Variants in HRH2 observed in about 807,000 individuals in gnomAD.
The protein encoded by HRH2 is histamine receptor H2, also known as histamine H2 receptor.
In HRH2, 4 loss-of-function variants were observed where a neutral mutation model predicts 20.1. The ratio of observed to expected loss-of-function variants is 0.20; its 90% CI spans 0.10 to 0.45. The LOEUF (loss-of-function observed/expected upper bound fraction) is 0.45. Among genes scored for constraint, HRH2 ranks in the 20% least tolerant of loss-of-function variants. The pLI, the probability that HRH2 is intolerant of heterozygous loss-of-function variation, is 0.99. For missense variants in HRH2, 250 were observed against 461.6 expected, an observed-to-expected ratio of 0.54 and a Z score of 4.20; for synonymous variants, 197 against 200.7, an observed-to-expected ratio of 0.98 and a Z score of 0.16.
chr5:175,671,871 C>T (rs868192520), intron 1 of HRH2, among the ~76,000 whole-genome samples: 17 of 119,536 alleles, frequency 1.4e-4, no homozygotes, highest in African/African-American at 4.4e-4. Context: ...CCTTAAATGG[C>T]TGTGACTCAT....
chr5:175,680,343 C>T (rs550287397), intron 1 of HRH2, among the ~76,000 whole-genome samples: 11 of 152,202 alleles, frequency 7.2e-5, no homozygotes, highest in Non-Finnish European at 1.5e-4. Flanking sequence ...TGTGTGCGGG[C>T]AGTGCCCAGT....
rs550767138 is a variant in HRH2, at chr5:175,658,920, GT to G, written c.-526+766del. Among the ~76,000 whole-genome samples, 567 of 152,326 alleles carry G rather than the reference GT, an allele frequency of 3.7e-3. 6 individuals are homozygous for G. The highest frequency in any genetic ancestry group is 0.013 in the African/African-American group (528 of 41,588). On this transcript the variant is annotated intron_variant, in intron 1 of 2. Coordinates refer to ENST00000636584, the MANE Select transcript of HRH2 (RefSeq NM_001367711.1). Reference sequence around the variant, plus strand: ...GCTAATCCCCCACCCCGTCCATGAGGTGTTGTGAGGCGAAAGAGGTGGGGCA... The same window carrying G: ...GCTAATCCCCCACCCCGTCCATGAGGGTTGTGAGGCGAAAGAGGTGGGGCA...
intron 1 of HRH2, among the ~76,000 whole-genome samples, chr5:175,669,089 C>T (rs1581412792): frequency 6.6e-6 from 1 of 152,102 alleles, no homozygotes. Context: ...AAGCGATCCT[C>T]CTGCCTCGGC....
intron 2 of HRH2, among the ~76,000 whole-genome samples, chr5:175,688,214 CATA>C (rs1756239579): frequency 6.6e-6 from 1 of 152,224 alleles, no homozygotes; most frequent in South Asian, 2.1e-4. Flanking sequence ...GCTCAAATTC[CATA>C]ATGTCATCGA....
chr5:175,663,245 G>A (rs1373800664), intron 1 of HRH2, among the ~76,000 whole-genome samples: 1 of 152,162 alleles, frequency 6.6e-6, no homozygotes, highest in East Asian at 1.9e-4. Flanking sequence ...TTGAGGAATT[G>A]CCAAACTGTT....
At chr5:175,692,830 G>A (rs1035443493) in intron 2 of HRH2, among the ~76,000 whole-genome samples, 1 of 152,198 alleles carries the variant, frequency 6.6e-6, no homozygotes, top group Non-Finnish European at 1.5e-5. Flanking sequence ...CCCCCCAACT[G>A]TGTTGTGTCA....
At position 175,673,674 on chromosome 5, in the gene HRH2, A is replaced by G. The variant is rs1755644323; in HGVS notation, c.-525-9035A>G. Among the ~76,000 whole-genome samples, 8 of 149,586 alleles carry G rather than the reference A, an allele frequency of 5.3e-5. No homozygotes were observed. In the South Asian group the frequency reaches 1.5e-3, roughly 28 times the overall value. On this transcript the variant is annotated intron_variant, in intron 1 of 2. Coordinates refer to ENST00000636584, the MANE Select transcript of HRH2 (RefSeq NM_001367711.1). ...TGTACACTGTAACACGGTGCATTGT[A>G]TGTTATGTGAATTTCACCTCAGTTT...
At chr5:175,682,165 CTG>C (rs1339159975) in intron 1 of HRH2, among the ~76,000 whole-genome samples, 2 of 152,338 alleles carry the variant, frequency 1.3e-5, no homozygotes, top group Admixed American at 1.3e-4. Context: ...CCGTCACAGG[CTG>C]TGAGGCAGAA....
intron 1 of HRH2, among the ~76,000 whole-genome samples, chr5:175,659,711 T>G (rs1023390670): frequency 2.0e-5 from 3 of 152,128 alleles, no homozygotes; most frequent in Non-Finnish European, 4.4e-5. Context: ...TATGACTGTA[T>G]AAGTTGCGGC....
At chr5:175,673,260 T>C (rs573447709) in intron 1 of HRH2, among the ~76,000 whole-genome samples, 55 of 152,232 alleles carry the variant, frequency 3.6e-4, no homozygotes, top group African/African-American at 1.3e-3. Flanking sequence ...TGTATGCATG[T>C]GCGCGTTTCA....
chr5:175,668,028 T>A (rs1211520135), intron 1 of HRH2, among the ~76,000 whole-genome samples: 2 of 152,250 alleles, frequency 1.3e-5, no homozygotes, highest in African/African-American at 4.8e-5. Flanking sequence ...TCTACTGCTG[T>A]GTCTCTTTGA....
At chr5:175,658,498 T>C (rs1762634794) in intron 1 of HRH2, among the ~76,000 whole-genome samples, 1 of 151,230 alleles carries the variant, frequency 6.6e-6, no homozygotes, top group African/African-American at 2.4e-5. Context: ...CCGCGAAGGG[T>C]GGATTTGGAA....
chr5:175,686,021 A>C lies in HRH2; in HGVS notation c.1076+1712A>C, dbSNP rs78103897. 9.2e-3 allele frequency: 1,420 copies of C among 153,736 alleles called. 14 individuals carry two copies. Among genetic ancestry groups the C allele is most frequent in the African/African-American group, 0.032 (1,334 of 41,574 alleles). 9.5% of individuals were successfully genotyped at this position (153,736 alleles called of 1,614,324 possible). A position where few individuals can be genotyped will look rare whatever the true frequency, so the allele number is the denominator to read the frequency against. On this transcript the variant is annotated intron_variant, in intron 2 of 2. Transcript: ENST00000636584. This position sits in a 1 kb window ranked among gnomAD's most constrained non-coding sequence, Gnocchi z 4.7. ...CCTTCACCACTGTCCATCTGAAGCA[A>C]GCCTGGTTGCTCCGGCACTGAACTG...
Position 175,684,408 on chromosome 5 carries a change from T to G in HRH2, c.1076+99T>G, listed in dbSNP as rs1035507118. The G allele has an allele frequency of 6.6e-6, 10 of 1,505,912 alleles. No homozygotes were observed. The Admixed American group carries it at 2.2e-4, about 33-fold the overall frequency. The allele number at this position is 1,505,912 out of a possible 1,614,324, so 93.3% of individuals were successfully genotyped here. A position where few individuals can be genotyped will look rare whatever the true frequency, so the allele number is the denominator to read the frequency against. ...AGCTGCTGTTTAGGTGGTGCTGGTT[T>G]ATGTTCTAGGAACTCTTCATGAGCA... On this transcript the variant is annotated intron_variant, in intron 2 of 2. Coordinates refer to ENST00000636584, the MANE Select transcript of HRH2 (RefSeq NM_001367711.1).
At chr5:175,680,008 C>T (rs1016030121) in intron 1 of HRH2, among the ~76,000 whole-genome samples, 1 of 152,228 alleles carries the variant, frequency 6.6e-6, no homozygotes, top group African/African-American at 2.4e-5. Context: ...ATTTTCCTCA[C>T]TCGTGGGGTC....
rs1439631457 is a variant in HRH2, at chr5:175,683,163, G to C, written c.-71G>C. The C allele has an allele frequency of 6.6e-7, 1 of 1,518,318 alleles. No homozygotes were observed. The highest frequency in any genetic ancestry group is 8.9e-7 in the Non-Finnish European group (1 of 1,126,102). 94.1% of individuals were successfully genotyped at this position (1,518,318 alleles called of 1,614,324 possible). On this transcript the variant is annotated 5_prime_UTR_variant, in exon 2 of 3. Transcript: ENST00000636584. ...AGCTTGGAGTCCAGTGGTTGGCATA[G>C]TTGTCACATTGGGAGCAGAGAAGAA...
intron 2 of HRH2, among the ~76,000 whole-genome samples, chr5:175,690,762 C>T (rs1406649324): frequency 1.3e-5 from 2 of 152,110 alleles, no homozygotes; most frequent in Non-Finnish European, 2.9e-5. Context: ...ACACTCCCTG[C>T]GTTCTATTCC....
In HRH2 at chr5:175,673,038, A is replaced by G. The variant is rs1447274186; in HGVS notation, c.-525-9671A>G. On this transcript the variant is annotated intron_variant, in intron 1 of 2. Transcript: ENST00000636584. ...ATGGAGCAGGTTGCAGGGGATGCCG[A>G]TCATAAGGGGCCTTCTGAGCCAGTG... is the stretch of plus-strand genomic sequence containing the variant. Among the ~76,000 whole-genome samples, 3 of 152,134 alleles carry G rather than the reference A, an allele frequency of 2.0e-5. No individual in the cohort carries two copies. In the East Asian group the frequency reaches 5.8e-4, roughly 29 times the overall value.
At chr5:175,705,782 C>T (rs937925296) in intron 2 of HRH2, among the ~76,000 whole-genome samples, 2 of 152,096 alleles carry the variant, frequency 1.3e-5, no homozygotes, top group Non-Finnish European at 2.9e-5. Flanking sequence ...CCTGCTTCAG[C>T]CTCCCAAGTA....
Sources: gnomAD v4.1 joint callset for allele counts (sites outside exome capture counted in the v4.1 genomes callset) on GRCh38, gnomAD v4.1.1 for gene constraint, Gnocchi (gnomAD v3.1) non-coding constraint, MANE v1.5 for transcripts, NCBI Gene and HGNC (gene_info 2026-07-23, HGNC 2026-07-21) for gene names.